Variants in PHF20 observed in about 807,000 individuals in gnomAD.
PHF20 encodes the protein glioma-expressed antigen 2.
A neutral mutation model predicts 113.5 loss-of-function variants in PHF20; 23 were observed. That is an observed-to-expected ratio of 0.20 (90% CI 0.15 to 0.29). The LOEUF (loss-of-function observed/expected upper bound fraction) is 0.29. PHF20 is among the 10% of genes least tolerant of loss of function. The probability of loss-of-function intolerance (pLI) is 1.00; values close to 1 mark genes in which losing one functional copy is unlikely to be tolerated. For synonymous variants in PHF20, 434 were observed against 457.3 expected, an observed-to-expected ratio of 0.95 and a Z score of 0.65; for missense variants, 943 against 1,219.6, an observed-to-expected ratio of 0.77 and a Z score of 3.38.
intron 1 of PHF20, among the ~76,000 whole-genome samples, chr20:35,785,998 C>A (rs945085726): frequency 4.1e-5 from 6 of 147,944 alleles, no homozygotes; most frequent in African/African-American, 1.5e-4. Context: ...CACCACTGCA[C>A]CCCAGCCTGG....
At chr20:35,853,552 TG>T (rs947968260) in intron 4 of PHF20, among the ~76,000 whole-genome samples, 117 of 152,230 alleles carry the variant, frequency 7.7e-4, no homozygotes, top group Non-Finnish European at 1.3e-3. Context: ...GAGACCAGCC[TG>T]GGTAACATAG....
At chr20:35,904,767 C>CTCTTCCTTCCT (rs1555799925) in intron 10 of PHF20, among the ~76,000 whole-genome samples, 8 of 125,688 alleles carry the variant, frequency 6.4e-5, no homozygotes, top group African/African-American at 2.7e-4. Context: ...GATTTCTTTT[C>CTCTTCCTTCCT]TCCTTCCTTC....
At chr20:35,903,334 C>T (rs2055139831) in intron 10 of PHF20, among the ~76,000 whole-genome samples, 1 of 151,754 alleles carries the variant, frequency 6.6e-6, no homozygotes, top group Non-Finnish European at 1.5e-5. Context: ...CTTTTAAATC[C>T]CTATGCTTTA....
At chr20:35,891,170 A>C (rs1271445780) in intron 9 of PHF20, among the ~76,000 whole-genome samples, 1 of 152,168 alleles carries the variant, frequency 6.6e-6, no homozygotes, top group Non-Finnish European at 1.5e-5. Context: ...TGCAGTCAGG[A>C]GTTTGAGACC....
At chr20:35,790,161 C>T (rs779124348) in intron 1 of PHF20, among the ~76,000 whole-genome samples, 1 of 151,832 alleles carries the variant, frequency 6.6e-6, no homozygotes, top group Non-Finnish European at 1.5e-5. Flanking sequence ...CCAGCAAGAA[C>T]AGTAGTAACC....
At chr20:35,821,141 G>C (rs956258324) in intron 2 of PHF20, among the ~76,000 whole-genome samples, 4 of 152,068 alleles carry the variant, frequency 2.6e-5, no homozygotes, top group African/African-American at 9.7e-5. Flanking sequence ...AATGTTATCT[G>C]ATTTCAAGTA....
intron 2 of PHF20, among the ~76,000 whole-genome samples, chr20:35,810,723 AAAAAC>A (rs1390645820): frequency 6.6e-6 from 1 of 152,208 alleles, no homozygotes; most frequent in Admixed American, 6.5e-5. Flanking sequence ...TCCTAAATCA[AAAAAC>A]AAAACAAAAC....
chr20:35,910,776 G>A (rs1192008247), intron 10 of PHF20, among the ~76,000 whole-genome samples: 4 of 150,904 alleles, frequency 2.7e-5, no homozygotes, highest in African/African-American at 9.8e-5. Flanking sequence ...TTACAGGCAT[G>A]AGCCACCACA....
intron 4 of PHF20, chr20:35,855,620 A>C (rs950463400): frequency 2.6e-5 from 4 of 152,100 alleles, no homozygotes; most frequent in African/African-American, 9.7e-5. Context: ...GGTATATATC[A>C]CGCCAAGCAT....
chr20:35,928,944 T>G (rs2055698001), intron 14 of PHF20, among the ~76,000 whole-genome samples: 1 of 152,176 alleles, frequency 6.6e-6, no homozygotes. Flanking sequence ...TGGCTCTTGA[T>G]TGCTCCTTTC....
chr20:35,828,512 G>A (rs891700510), intron 2 of PHF20, among the ~76,000 whole-genome samples: 2 of 152,300 alleles, frequency 1.3e-5, no homozygotes, highest in South Asian at 2.1e-4. Context: ...GTTTAAGCAC[G>A]TGCACGGTAT....
chr20:35,806,880 C>T (rs1265158912), intron 2 of PHF20, among the ~76,000 whole-genome samples: 3 of 150,270 alleles, frequency 2.0e-5, no homozygotes, highest in African/African-American at 7.4e-5. Context: ...ATTGCAAGCT[C>T]CGCCTCCCGG....
Position 35,842,637 on chromosome 20 carries a change from T to C in PHF20, c.148T>C (p.Trp50Arg), listed in dbSNP as rs769504764. 6 of 1,613,966 alleles carry C rather than the reference T, an allele frequency of 3.7e-6. No homozygotes were observed. In the Admixed American group the frequency reaches 1.0e-4, roughly 27 times the overall value. Residue 50 changes from tryptophan (W) to arginine (R), a missense_variant, in exon 3 of 18, where the codon TGG becomes CGG. Physicochemically the swap from Trp to Arg is moderately radical, Grantham distance 101. Coordinates refer to ENST00000374012, the MANE Select transcript of PHF20 (RefSeq NM_016436.5). ...AAAAGTACTCATCCATTTCAAGCGT[T>C]GGAACCATCGTTATGATGAGTGGTT... The part of the protein sequence containing the change: ...EGKVLIHFKR[W>R]NHRYDEWFCW...
intron 3 of PHF20, among the ~76,000 whole-genome samples, chr20:35,845,220 TA>T (rs2042602242): frequency 6.6e-6 from 1 of 151,814 alleles, no homozygotes; most frequent in Non-Finnish European, 1.5e-5. Flanking sequence ...TCTGTTCCTG[TA>T]ATAACAGTTT....
chr20:35,927,685 A>G (rs948382477), intron 13 of PHF20, 95 bp from the exon 14 acceptor site: 8 of 913,000 alleles, frequency 8.8e-6, no homozygotes, highest in Admixed American at 5.2e-5. Flanking sequence ...CTCTCCTTCT[A>G]TCCTCCCATG....
Position 35,934,573 on chromosome 20 carries a change from C to G in PHF20, c.2300+3129C>G, listed in dbSNP as rs1438533739. On this transcript the variant is annotated intron_variant, in intron 15 of 17. Coordinates refer to ENST00000374012, the MANE Select transcript of PHF20 (RefSeq NM_016436.5). Reference sequence around the variant, plus strand: ...ATTCTCTTGGGATACCCCCCATTTGCATGGTTGAAGCAGTTTCACCTGCAT... The same window carrying G: ...ATTCTCTTGGGATACCCCCCATTTGGATGGTTGAAGCAGTTTCACCTGCAT... Among the ~76,000 whole-genome samples, 9 of 152,360 alleles carry G rather than the reference C, an allele frequency of 5.9e-5. No homozygotes were observed. The East Asian group carries it at 1.7e-3, about 29-fold the overall frequency.
intron 9 of PHF20, among the ~76,000 whole-genome samples, chr20:35,872,172 C>CTT (rs113468756): frequency 2.7e-5 from 4 of 147,494 alleles, no homozygotes; most frequent in East Asian, 2.0e-4. Context: ...ATCTTTCTTC[C>CTT]TTTTTTTTTT....
intron 1 of PHF20, among the ~76,000 whole-genome samples, chr20:35,780,113 A>T (rs77189140): frequency 0.048 from 7,269 of 152,080 alleles, 213 homozygotes; most frequent in African/African-American, 0.089. Context: ...TCTCTAGCTA[A>T]CGTGCTTTTT....
intron 15 of PHF20, among the ~76,000 whole-genome samples, chr20:35,932,323 G>C (rs1376700743): frequency 4.2e-5 from 6 of 143,730 alleles, no homozygotes; most frequent in East Asian, 4.4e-4. Context: ...CCCACCTCGG[G>C]CTCCCAAAGT....
Sources: allele counts gnomAD v4.1 joint callset (sites outside exome capture counted in the v4.1 genomes callset), GRCh38; gene constraint gnomAD v4.1.1; transcripts MANE v1.5; gene names NCBI Gene and HGNC (gene_info 2026-07-23, HGNC 2026-07-21).